Variants in MYO5A observed in about 807,000 individuals in gnomAD.
MYO5A encodes myosin VA.
Under a neutral mutation model 249.7 loss-of-function variants are expected in MYO5A, and 98 were observed. That is an observed-to-expected ratio of 0.39 (90% CI 0.33 to 0.46). The LOEUF (loss-of-function observed/expected upper bound fraction) is 0.46, where lower values mean the gene tolerates loss of function less well. Among genes scored for constraint, MYO5A ranks in the 20% least tolerant of loss-of-function variants. The pLI, the probability that MYO5A is intolerant of heterozygous loss-of-function variation, is 0.98. For synonymous variants in MYO5A, 778 were observed against 810.6 expected, an observed-to-expected ratio of 0.96 and a Z score of 0.68; for missense variants, 1,696 against 2,308.8, an observed-to-expected ratio of 0.73 and a Z score of 5.44.
intron 16 of MYO5A, 41 bp from the exon 17 acceptor site, chr15:52,379,949 G>C: frequency 1.2e-6 from 2 of 1,602,728 alleles, no homozygotes; most frequent in South Asian, 2.2e-5. Context: ...CAAAGAACCT[G>C]GCTGGTGGCC....
chr15:52,453,456 G>GA (rs1253562902), intron 1 of MYO5A, among the ~76,000 whole-genome samples: 4 of 149,326 alleles, frequency 2.7e-5, no homozygotes, highest in Non-Finnish European at 5.9e-5. Context: ...TGTGGAAGAA[G>GA]AAAAAAAAAG....
At chr15:52,450,165 A>G (rs1305194303) in intron 1 of MYO5A, among the ~76,000 whole-genome samples, 3 of 151,908 alleles carry the variant, frequency 2.0e-5, no homozygotes, top group Non-Finnish European at 2.9e-5. Context: ...AAATAATAAT[A>G]ATAATAGTTC....
At chr15:52,356,904 AC>A (rs1158901496) in intron 25 of MYO5A, among the ~76,000 whole-genome samples, 2 of 151,496 alleles carry the variant, frequency 1.3e-5, no homozygotes, top group African/African-American at 2.4e-5. Context: ...TTCAAAAACA[AC>A]CTGAGAAGAA....
At chr15:52,407,189 C>T (rs2043043295) in intron 8 of MYO5A, 103 bp downstream of exon 8, 2 of 807,306 alleles carry the variant, frequency 2.5e-6, no homozygotes, top group South Asian at 1.4e-5. Context: ...AATCTTCTAG[C>T]AATACTTGCC....
intron 1 of MYO5A, among the ~76,000 whole-genome samples, chr15:52,508,396 AG>A (rs2077318625): frequency 1.3e-5 from 2 of 151,800 alleles, no homozygotes; most frequent in South Asian, 4.1e-4. Context: ...AAAAAAAAAA[AG>A]TAGAACTAAC....
At chr15:52,491,856 G>A (rs146717544) in intron 1 of MYO5A, among the ~76,000 whole-genome samples, 104 of 152,180 alleles carry the variant, frequency 6.8e-4, no homozygotes, top group African/African-American at 2.4e-3. Flanking sequence ...ACTGGACTGC[G>A]GGAAACTATG....
rs1011722915 is a variant in MYO5A at position 52,345,419 on chromosome 15, TA to T, written c.3959+941del. On this transcript the variant is annotated intron_variant, in intron 30 of 41. Coordinates refer to ENST00000399233, the MANE Select transcript of MYO5A (RefSeq NM_001382347.1). ...CAACATGGTGAAACCCCATCTCTACTAAAAAAAATACAAAAATTAGTCGGGT... is the reference window on the plus strand; with the variant it reads ...CAACATGGTGAAACCCCATCTCTACTAAAAAAATACAAAAATTAGTCGGGT... Among the ~76,000 whole-genome samples the T allele has an allele frequency of 3.3e-5, 5 of 150,968 alleles. No individual in the cohort carries two copies. The East Asian group carries it at 7.8e-4, about 23-fold the overall frequency.
chr15:52,335,582 C>CCTA (rs1201001826), intron 34 of MYO5A, among the ~76,000 whole-genome samples: 2 of 149,758 alleles, frequency 1.3e-5, no homozygotes, highest in East Asian at 3.9e-4. Context: ...GATCCCTGTA[C>CCTA]CTATAACTCT....
intron 4 of MYO5A, among the ~76,000 whole-genome samples, chr15:52,417,280 T>C (rs1295510653): frequency 1.3e-5 from 2 of 152,200 alleles, no homozygotes; most frequent in Admixed American, 6.5e-5. Flanking sequence ...AGTACTGTTG[T>C]CAACCACTTC....
chr15:52,329,983 TTTTTC>T (rs1481768457), intron 35 of MYO5A, among the ~76,000 whole-genome samples: 1 of 144,812 alleles, frequency 6.9e-6, no homozygotes, highest in Non-Finnish European at 1.5e-5. Flanking sequence ...GGGTTTTTTC[TTTTTC>T]TTTTTTTTTT....
chr15:52,351,329 C>T lies in MYO5A; in HGVS notation c.3774G>A (p.Glu1258=). The change falls in exon 28 of 42, where the codon GAG becomes GAA. Residue 1258 remains glutamate (E), a synonymous_variant. Coordinates refer to ENST00000399233, the MANE Select transcript of MYO5A (RefSeq NM_001382347.1). ...LMEQLTSVSE[E]LDVRKEEVLI... ...GGACTTCCTCCTTGCGGACATCAAG[C>T]TCCTCGCTCACAGAGGTCAGCTGCT... 1 of 1,614,196 alleles carries T rather than the reference C, an allele frequency of 6.2e-7. No individual in the cohort carries two copies. The highest frequency in any genetic ancestry group is 8.5e-7 in the Non-Finnish European group (1 of 1,180,036).
Position 52,314,151 on chromosome 15 carries a change from A to G in MYO5A, c.5462T>C (p.Val1821Ala). The change falls in exon 41 of 42, where the codon GTC becomes GCC. Residue 1821 changes from valine to alanine, a missense_variant. This residue lies in a region of MYO5A where 625 missense variants were observed against 908.1 expected (regional missense o/e 0.69). Transcript: ENST00000399233. The stretch of plus-strand genomic sequence containing the variant: ...TATAGTACGAATGAACGACACAGAG[A>G]CTCTTTCTTCAAACTCATTAACTGG... Reference protein sequence around the residue: ...YTPVNEFEERVSVSFIRTIQM... With the variant: ...YTPVNEFEERASVSFIRTIQM... 4 of 1,611,792 alleles carry G rather than the reference A, an allele frequency of 2.5e-6. No individual in the cohort carries two copies. The highest frequency in any genetic ancestry group is 1.3e-5 in the African/African-American group (1 of 74,992).
At chr15:52,502,479 T>C (rs1369315681) in intron 1 of MYO5A, among the ~76,000 whole-genome samples, 1 of 152,232 alleles carries the variant, frequency 6.6e-6, no homozygotes, top group Non-Finnish European at 1.5e-5. Context: ...AGTGCTGTAA[T>C]TGCAGACTTG....
intron 10 of MYO5A, among the ~76,000 whole-genome samples, chr15:52,396,687 A>G (rs2141183702): frequency 6.6e-6 from 1 of 152,316 alleles, no homozygotes; most frequent in African/African-American, 2.4e-5. Flanking sequence ...TTCACCCCCA[A>G]GTGGGGAACA....
chr15:52,492,463 A>G (rs985714590), intron 1 of MYO5A, among the ~76,000 whole-genome samples: 1 of 152,224 alleles, frequency 6.6e-6, no homozygotes, highest in African/African-American at 2.4e-5. Flanking sequence ...TTTACTGAGG[A>G]CAGGTTACAT....
intron 1 of MYO5A, among the ~76,000 whole-genome samples, chr15:52,514,832 T>A (rs947518849): frequency 6.6e-6 from 1 of 152,056 alleles, no homozygotes; most frequent in Non-Finnish European, 1.5e-5. Context: ...CAGGACAAAA[T>A]CCTATGGGGA....
intron 11 of MYO5A, among the ~76,000 whole-genome samples, chr15:52,394,932 C>T (rs1160535429): frequency 6.6e-6 from 1 of 152,190 alleles, no homozygotes; most frequent in Non-Finnish European, 1.5e-5. Context: ...TGGAAATAGT[C>T]ATAAGCCTAA....
At chr15:52,473,317 G>A (rs1479354193) in intron 1 of MYO5A, among the ~76,000 whole-genome samples, 2 of 152,168 alleles carry the variant, frequency 1.3e-5, no homozygotes, top group Non-Finnish European at 2.9e-5. Context: ...TGGACAGGTT[G>A]CAAAAATTTT....
At chr15:52,314,256 G>T in intron 40 of MYO5A, 53 bp from the exon 41 acceptor site, 1 of 1,273,958 alleles carries the variant, frequency 7.8e-7, no homozygotes, top group Non-Finnish European at 1.1e-6. Context: ...ATACACACTG[G>T]GTACCTATAA....
Sources: gnomAD v4.1 joint callset for allele counts (sites outside exome capture counted in the v4.1 genomes callset) on GRCh38, gnomAD v4.1.1 for gene constraint, gnomAD v4.1.1 regional missense constraint, MANE v1.5 for transcripts, NCBI Gene and HGNC (gene_info 2026-07-23, HGNC 2026-07-21) for gene names.